Variants in KHDRBS2 observed in about 807,000 individuals in gnomAD.
KHDRBS2 encodes KH RNA binding domain containing, signal transduction associated 2, also known as KH domain-containing, RNA-binding, signal transduction-associated protein 2.
KHDRBS2 carries 26 observed loss-of-function variants against 44.3 expected under a neutral mutation model. The ratio of observed to expected loss-of-function variants is 0.59; its 90% CI spans 0.43 to 0.81. The LOEUF (loss-of-function observed/expected upper bound fraction) is 0.81, where lower values mean the gene tolerates loss of function less well. Among genes scored for constraint, KHDRBS2 ranks in the 40% least tolerant of loss-of-function variants. The pLI is 0.00. For synonymous variants in KHDRBS2, 194 were observed against 151.1 expected (o/e 1.28, Z -2.08); for missense variants, 476 against 433.1 (o/e 1.10, Z -0.88).
chr6:62,068,163 T>A (rs1041779588), intron 2 of KHDRBS2, among the ~76,000 whole-genome samples: 10 of 151,686 alleles, frequency 6.6e-5, no homozygotes, highest in South Asian at 6.2e-4. Flanking sequence ...CTGTAATGCA[T>A]GTGGGACTGT....
intron 4 of KHDRBS2, among the ~76,000 whole-genome samples, chr6:61,955,054 A>G (rs1170717986): frequency 6.9e-6 from 1 of 144,778 alleles, no homozygotes; most frequent in Non-Finnish European, 1.5e-5. Context: ...GTATACATAT[A>G]TGTATGTATA....
the KHDRBS2 span, among the ~76,000 whole-genome samples, chr6:61,619,450 T>C: frequency 6.6e-6 from 1 of 151,910 alleles, no homozygotes; most frequent in Admixed American, 6.6e-5. Context: ...TGTTTGTTTG[T>C]TTGTTTGTTT....
chr6:61,843,541 T>G (rs972652786), intron 6 of KHDRBS2, among the ~76,000 whole-genome samples: 1 of 151,486 alleles, frequency 6.6e-6, no homozygotes, highest in African/African-American at 2.4e-5. Context: ...ATTTTTGTAT[T>G]TTTTTAGTAG....
chr6:61,964,348 C>T (rs137981257), intron 4 of KHDRBS2, among the ~76,000 whole-genome samples: 3 of 151,976 alleles, frequency 2.0e-5, no homozygotes, highest in Non-Finnish European at 4.4e-5. Flanking sequence ...AATGACGGCA[C>T]AAGCAATCGC....
chr6:61,636,852 C>T, the KHDRBS2 span, among the ~76,000 whole-genome samples: 2 of 152,108 alleles, frequency 1.3e-5, no homozygotes, highest in Non-Finnish European at 2.9e-5. Context: ...AGGACCACAT[C>T]TCATGCATAA....
At chr6:62,109,552 T>C (rs933404601) in intron 2 of KHDRBS2, among the ~76,000 whole-genome samples, 2 of 151,956 alleles carry the variant, frequency 1.3e-5, no homozygotes, top group African/African-American at 4.8e-5. Flanking sequence ...CAATGGAATC[T>C]ATATAAAAGC....
At chr6:61,559,312 G>T in the KHDRBS2 span, among the ~76,000 whole-genome samples, 4 of 150,078 alleles carry the variant, frequency 2.7e-5, no homozygotes, top group Non-Finnish European at 4.4e-5. Context: ...ATTTTTATAT[G>T]TGAATTGTGT....
the KHDRBS2 span, among the ~76,000 whole-genome samples, chr6:61,659,509 T>A: frequency 6.6e-6 from 1 of 151,822 alleles, no homozygotes. Context: ...GTCAGTGATA[T>A]AACAAAGGGA....
chr6:61,747,611 G>A (rs1007599612), intron 6 of KHDRBS2, among the ~76,000 whole-genome samples: 7 of 151,438 alleles, frequency 4.6e-5, no homozygotes, highest in African/African-American at 1.7e-4. Context: ...CTATAAGCCA[G>A]TTAAGTAATC....
chr6:62,064,878 C>T (rs1244697903), intron 2 of KHDRBS2, among the ~76,000 whole-genome samples: 3 of 149,728 alleles, frequency 2.0e-5, no homozygotes, highest in African/African-American at 4.9e-5. Flanking sequence ...TCGCAACCTA[C>T]TCATCTGACA....
At chr6:61,630,806 C>A in the KHDRBS2 span, among the ~76,000 whole-genome samples, 1 of 151,962 alleles carries the variant, frequency 6.6e-6, no homozygotes, top group Non-Finnish European at 1.5e-5. Flanking sequence ...ATAAACTGTC[C>A]CAAAGATGAC....
intron 4 of KHDRBS2, among the ~76,000 whole-genome samples, chr6:61,935,492 G>A (rs1230921022): frequency 1.3e-5 from 2 of 152,154 alleles, no homozygotes; most frequent in African/African-American, 4.8e-5. Context: ...TTGCATTGCA[G>A]AGGTCAGAAC....
At chr6:62,061,294 T>C (rs958447802) in intron 2 of KHDRBS2, among the ~76,000 whole-genome samples, 39 of 151,996 alleles carry the variant, frequency 2.6e-4, no homozygotes, top group African/African-American at 9.2e-4. Flanking sequence ...TTCGGCATGA[T>C]TTTGCAGCGG....
intron 6 of KHDRBS2, among the ~76,000 whole-genome samples, chr6:61,756,335 T>C (rs7747534): frequency 0.8 from 121,421 of 151,932 alleles, 49,031 homozygotes; most frequent in African/African-American, 0.91. Flanking sequence ...TGGCTCACTG[T>C]AACCACCAGC....
chr6:62,049,792 AC>A (rs1788575050), intron 2 of KHDRBS2, among the ~76,000 whole-genome samples: 1 of 152,054 alleles, frequency 6.6e-6, no homozygotes, highest in South Asian at 2.1e-4. Flanking sequence ...AGGAAACAAC[AC>A]ATGTTGGTGA....
intron 1 of KHDRBS2, among the ~76,000 whole-genome samples, chr6:62,212,016 T>G (rs1426067353): frequency 2.0e-5 from 3 of 152,156 alleles, no homozygotes; most frequent in African/African-American, 7.2e-5. Context: ...GGTACATGGA[T>G]GGAGCTGGAG....
intron 2 of KHDRBS2, among the ~76,000 whole-genome samples, chr6:62,135,979 G>T (rs2150093918): frequency 6.6e-6 from 1 of 151,862 alleles, no homozygotes; most frequent in African/African-American, 2.4e-5. Context: ...GAGATCTAAG[G>T]TATAGCAAGA....
the KHDRBS2 span, among the ~76,000 whole-genome samples, chr6:61,638,831 C>G: frequency 6.6e-6 from 1 of 152,064 alleles, no homozygotes; most frequent in East Asian, 1.9e-4. Context: ...GTTTGCAGAG[C>G]TAATGTATCT....
intron 2 of KHDRBS2, among the ~76,000 whole-genome samples, chr6:62,163,105 A>T (rs1817983465): frequency 6.6e-6 from 1 of 152,082 alleles, no homozygotes; most frequent in Admixed American, 6.6e-5. Context: ...GATAATCCCT[A>T]GGGAACTTAA....
Sources: gnomAD v4.1 joint callset for allele counts (sites outside exome capture counted in the v4.1 genomes callset) on GRCh38, gnomAD v4.1.1 for gene constraint, MANE v1.5 for transcripts, NCBI Gene and HGNC (gene_info 2026-07-23, HGNC 2026-07-21) for gene names.